Variants in ADGRF1 observed in about 807,000 individuals in gnomAD.
ADGRF1 encodes the protein G protein-coupled receptor 110.
ADGRF1 carries 85 observed loss-of-function variants against 87.2 expected under a neutral mutation model. That is an observed-to-expected ratio of 0.97 (90% CI 0.82 to 1.17). The LOEUF is 1.17. Among genes scored for constraint, ADGRF1 ranks in the 50% most tolerant of loss-of-function variants. ADGRF1 has a pLI of 0.00. For synonymous variants in ADGRF1, 430 were observed against 408.8 expected, an observed-to-expected ratio of 1.05 and a Z score of -0.63; for missense variants, 1,169 against 1,077.2, an observed-to-expected ratio of 1.09 and a Z score of -1.19.
At chr6:47,016,518 C>A in intron 8 of ADGRF1, 99 bp downstream of exon 8, 1 of 1,322,934 alleles carries the variant, frequency 7.6e-7, no homozygotes, top group Non-Finnish European at 1.0e-6. Flanking sequence ...GAGAACAATT[C>A]GTTATTCAAA....
intron 9 of ADGRF1, chr6:47,014,247 C>T (rs1197597358): frequency 2.0e-6 from 2 of 986,364 alleles, no homozygotes; most frequent in Non-Finnish European, 2.4e-6. Context: ...ATATGGTTCA[C>T]CTTTGTCTGA....
chr6:47,015,110 T>C (rs540176215), intron 8 of ADGRF1, among the ~76,000 whole-genome samples: 2 of 152,330 alleles, frequency 1.3e-5, no homozygotes, highest in East Asian at 3.9e-4. Flanking sequence ...TTTAATGGGC[T>C]ATCAACTAGT....
chr6:47,013,305 G>A (rs1045443867), intron 9 of ADGRF1: 152 of 985,378 alleles, frequency 1.5e-4, no homozygotes, highest in Non-Finnish European at 1.8e-4. Flanking sequence ...CTCATGTCCA[G>A]AATTGAGGCA....
chr6:46,998,944 C>T lies in ADGRF1; in HGVS notation c.*1278G>A, dbSNP rs1779282956. 1 of 152,186 alleles carries T rather than the reference C, an allele frequency of 6.6e-6. No individual in the cohort carries two copies. The highest frequency in any genetic ancestry group is 6.5e-5 in the Admixed American group (1 of 15,274). 9.4% of individuals were successfully genotyped at this position (152,186 alleles called of 1,614,324 possible). ...TCTCAGGTATGCTTATTTAATCTACCACCACTAACTAGAAGTTCCCCCAGC... is the reference window on the plus strand; with the variant it reads ...TCTCAGGTATGCTTATTTAATCTACTACCACTAACTAGAAGTTCCCCCAGC... On this transcript the variant is annotated 3_prime_UTR_variant, in exon 15 of 15. Coordinates refer to ENST00000371253, the MANE Select transcript of ADGRF1 (RefSeq NM_153840.4).
Position 47,009,465 on chromosome 6 carries a change from C to T in ADGRF1, c.1970G>A (p.Cys657Tyr). Residue 657 changes from cysteine to tyrosine, a missense_variant, in exon 11 of 15, where the codon TGC becomes TAC. Transcript: ENST00000371253. ...GTGTGTAAAGAACACAGCAGCTGTG[C>T]AGACTCCAGAAGGGTTCACCGTGGT... ...VDTTVNPSGVCTAAVFFTHFF... is the reference protein window; with the variant it reads ...VDTTVNPSGVYTAAVFFTHFF... The T allele has an allele frequency of 6.2e-7, 1 of 1,613,810 alleles. No homozygotes were observed. The highest frequency in any genetic ancestry group is 8.5e-7 in the Non-Finnish European group (1 of 1,179,886).
At chr6:47,025,221 G>T (rs1780193746) in intron 4 of ADGRF1, among the ~76,000 whole-genome samples, 1 of 152,160 alleles carries the variant, frequency 6.6e-6, no homozygotes, top group African/African-American at 2.4e-5. Flanking sequence ...ATGGTGTGCA[G>T]TGAATGGGTC....
intron 12 of ADGRF1, among the ~76,000 whole-genome samples, 192 bp downstream of exon 12, chr6:47,007,061 C>A (rs984290528): frequency 1.3e-5 from 2 of 152,152 alleles, no homozygotes; most frequent in Non-Finnish European, 2.9e-5. Context: ...ATTAGTTCTG[C>A]AAGCTTTATC....
rs544653940 is a variant in ADGRF1, at chr6:47,035,842, G to C, written c.-44+6349C>G. On this transcript the variant is annotated intron_variant, in intron 1 of 14. Coordinates refer to ENST00000371253, the MANE Select transcript of ADGRF1 (RefSeq NM_153840.4). ...TTGCATGTTCTCACTTACAGTGGCA[G>C]CTAAGCACTGGGTACACATGAACGT... 2.6e-5 allele frequency among the ~76,000 whole-genome samples: 4 copies of C among 152,300 alleles called. No homozygotes were observed. The East Asian group carries it at 7.7e-4, about 29-fold the overall frequency.
At position 47,029,092 on chromosome 6, in the gene ADGRF1, G is replaced by A. The variant is rs1023252079; in HGVS notation, c.-31C>T. 5 of 1,585,706 alleles carry A rather than the reference G, an allele frequency of 3.2e-6. No homozygotes were observed. The highest frequency in any genetic ancestry group is 4.3e-6 in the Non-Finnish European group (5 of 1,154,230). ...CTGGACTGAACAGCAGCAGTCGGGTGCATAGTCTGTGACTAAACAAGCAGG... is the reference window on the plus strand; with the variant it reads ...CTGGACTGAACAGCAGCAGTCGGGTACATAGTCTGTGACTAAACAAGCAGG... On this transcript the variant is annotated 5_prime_UTR_variant, in exon 2 of 15. Coordinates refer to ENST00000371253, the MANE Select transcript of ADGRF1 (RefSeq NM_153840.4).
intron 1 of ADGRF1, among the ~76,000 whole-genome samples, chr6:47,040,230 C>T (rs943696174): frequency 3.9e-5 from 6 of 151,916 alleles, no homozygotes; most frequent in African/African-American, 9.7e-5. Flanking sequence ...TTTGGGAGGC[C>T]GAGACAGGAG....
At chr6:47,004,824 C>T (rs1017400504) in intron 13 of ADGRF1, among the ~76,000 whole-genome samples, 2 of 152,154 alleles carry the variant, frequency 1.3e-5, no homozygotes, top group Admixed American at 6.6e-5. Flanking sequence ...AACTTAGAGA[C>T]GAAGTGACTT....
intron 7 of ADGRF1, chr6:47,019,280 T>TA (rs998546493): frequency 3.5e-5 from 34 of 963,364 alleles, no homozygotes; most frequent in Middle Eastern, 5.3e-4. Context: ...AACCTCAATA[T>TA]AAAAAAAAGC....
intron 5 of ADGRF1, among the ~76,000 whole-genome samples, chr6:47,023,756 T>C (rs186905533): frequency 6.6e-6 from 1 of 152,308 alleles, no homozygotes; most frequent in East Asian, 1.9e-4. Context: ...TTCCTCTTTT[T>C]GGAATTTTAG....
chr6:47,027,729 G>A lies in ADGRF1; in HGVS notation c.102C>T (p.Leu34=). 1 of 1,603,516 alleles carries A rather than the reference G, an allele frequency of 6.2e-7. No individual in the cohort carries two copies. Among genetic ancestry groups the A allele is most frequent in the Non-Finnish European group, 8.5e-7 (1 of 1,170,736 alleles). The part of the protein sequence containing the change: ...KNDGIKTKKE[L]IVNKKKHLGP... Reference sequence around the variant, plus strand: ...CTAGATGTTTTTTCTTATTCACAATGAGTTCTTTTTTTGTTTTGATGCCAT... The same window carrying A: ...CTAGATGTTTTTTCTTATTCACAATAAGTTCTTTTTTTGTTTTGATGCCAT... Residue 34 remains leucine, a synonymous_variant, in exon 3 of 15, where the codon CTC becomes CTT. Transcript: ENST00000371253.
rs115292676 is a variant in ADGRF1, at chr6:47,010,158, C to T, written c.1277G>A (p.Arg426Gln). 3,201 of 1,614,052 alleles carry T rather than the reference C, an allele frequency of 2.0e-3. 52 individuals carry two copies. In the African/African-American group the frequency reaches 0.033, roughly 17 times the overall value. ...PPTALPLNFS[R>Q]KFIDWKGIPV... ...AATCCCTTTCCAGTCAATGAATTTC[C>T]GAGAAAAATTCAGAGGAAGAGCTGT... is the stretch of plus-strand genomic sequence containing the variant. Residue 426 changes from arginine (R) to glutamine (Q), a missense_variant, in exon 11 of 15, where the codon CGG becomes CAG. Coordinates refer to ENST00000371253, the MANE Select transcript of ADGRF1 (RefSeq NM_153840.4).
At chr6:47,028,113 T>C (rs1409144143) in intron 2 of ADGRF1, among the ~76,000 whole-genome samples, 3 of 152,222 alleles carry the variant, frequency 2.0e-5, no homozygotes, top group Admixed American at 2.0e-4. Flanking sequence ...GAGAAACTGC[T>C]GGGTAGCTTT....
Position 47,000,088 on chromosome 6 carries a change from G to A in ADGRF1, c.*134C>T. On this transcript the variant is annotated 3_prime_UTR_variant, in exon 15 of 15. Coordinates refer to ENST00000371253, the MANE Select transcript of ADGRF1 (RefSeq NM_153840.4). ...AAGGGAGCAGTAATGAAGCCACTGA[G>A]ACATTCTTGTTTTATTCCCAGACCC... is the stretch of plus-strand genomic sequence containing the variant. The A allele has an allele frequency of 3.1e-6, 2 of 641,610 alleles. No homozygotes were observed. Among genetic ancestry groups the A allele is most frequent in the Admixed American group, 5.1e-5 (2 of 39,470 alleles). The allele number at this position is 641,610 out of a possible 1,614,324, so 39.7% of individuals were successfully genotyped here. A position where few individuals can be genotyped will look rare whatever the true frequency, so the allele number is the denominator to read the frequency against.
intron 3 of ADGRF1, among the ~76,000 whole-genome samples, chr6:47,026,797 C>A (rs1442263121): frequency 6.6e-6 from 1 of 152,190 alleles, no homozygotes; most frequent in African/African-American, 2.4e-5. Context: ...TCCCCATCTC[C>A]TTACGGACTG....
At chr6:47,011,776 C>G (rs1165526320) in intron 10 of ADGRF1, among the ~76,000 whole-genome samples, 4 of 152,254 alleles carry the variant, frequency 2.6e-5, no homozygotes, top group African/African-American at 9.6e-5. Context: ...ACCCCCTCCT[C>G]TAAGCTGGGT....
Sources: allele counts gnomAD v4.1 joint callset (sites outside exome capture counted in the v4.1 genomes callset), GRCh38; gene constraint gnomAD v4.1.1; transcripts MANE v1.5; gene names NCBI Gene and HGNC (gene_info 2026-07-23, HGNC 2026-07-21).